CALCOCO1: variants seen among roughly 807,000 people sequenced by gnomAD.
CALCOCO1 encodes the protein calcium binding and coiled-coil domain 1, also known as calcium-binding and coiled-coil domain-containing protein 1.
CALCOCO1 carries 44 observed loss-of-function variants against 86.3 expected under a neutral mutation model. That is an observed-to-expected ratio of 0.51 (90% CI 0.40 to 0.66). CALCOCO1 has a LOEUF of 0.66. Among genes scored for constraint, CALCOCO1 ranks in the 30% least tolerant of loss-of-function variants. CALCOCO1 has a pLI of 0.00. For missense variants in CALCOCO1, 708 were observed against 851.1 expected, an observed-to-expected ratio of 0.83 and a Z score of 2.09; for synonymous variants, 297 against 327.6, an observed-to-expected ratio of 0.91 and a Z score of 1.01.
chr12:53,721,836 T>C lies in CALCOCO1; in HGVS notation c.609+189A>G, dbSNP rs1945877703. On this transcript the variant is annotated intron_variant, in intron 5 of 14. Transcript: ENST00000550804. Reference sequence around the variant, plus strand: ...CTATGTTCAAAGAACTGAGTCTCATTACACGTTTGGAACATGTCTCTTGTC... The same window carrying C: ...CTATGTTCAAAGAACTGAGTCTCATCACACGTTTGGAACATGTCTCTTGTC... The C allele has an allele frequency of 3.7e-6, 3 of 805,322 alleles. No homozygotes were observed. In the South Asian group the frequency reaches 5.0e-5, roughly 13 times the overall value. The allele number at this position is 805,322 out of a possible 1,614,324, so 49.9% of individuals were successfully genotyped here.
rs149932019 is a variant in CALCOCO1 at position 53,717,489 on chromosome 12, G to A, written c.850-1074C>T. Among the ~76,000 whole-genome samples the A allele has an allele frequency of 7.0e-4, 107 of 152,292 alleles. 3 individuals are homozygous for A. The highest frequency in any genetic ancestry group is 2.7e-3 in the Admixed American group (41 of 15,306). On this transcript the variant is annotated intron_variant, in intron 7 of 14. Coordinates refer to ENST00000550804, the MANE Select transcript of CALCOCO1 (RefSeq NM_020898.3). ...AGGCCTTATCTCAAACACTTCACCC[G>A]CACATTCAACTGCCCTGAGTGTTCT...
chr12:53,719,351 C>A (rs1945808488), intron 7 of CALCOCO1, among the ~76,000 whole-genome samples: 1 of 151,820 alleles, frequency 6.6e-6, no homozygotes, highest in Admixed American at 6.6e-5. Context: ...CATGGTGAAA[C>A]CCTGTCTCTA....
rs560882432 is a variant in CALCOCO1 at position 53,713,840 on chromosome 12, G to A, written c.1652C>T (p.Pro551Leu). 1.2e-5 allele frequency: 18 copies of A among 1,545,954 alleles called. No homozygotes were observed. The highest frequency in any genetic ancestry group is 1.5e-5 in the Non-Finnish European group (17 of 1,148,234). Residue 551 changes from proline (P) to leucine (L), a missense_variant, in exon 13 of 15, where the codon CCC becomes CTC. Pro to Leu is a moderately conservative substitution (Grantham distance 98). Transcript: ENST00000550804. ...DESPEDMRLP[P>L]YGLCERGDPG... ...GTCTCCACGCTCACAAAGGCCATAG[G>A]GTGGGAGCCTCATGTCTTCTGGGGA...
rs1945515897 is a variant in CALCOCO1, at chr12:53,709,802, C to T, written c.*2142G>A. 1 of 152,178 alleles carries T rather than the reference C, an allele frequency of 6.6e-6. No homozygotes were observed. Among genetic ancestry groups the T allele is most frequent in the Non-Finnish European group, 1.5e-5 (1 of 68,046 alleles). The allele number at this position is 152,178 out of a possible 1,614,324, so 9.4% of individuals were successfully genotyped here. ...AGGGGCCTGGGTTCCTGTTTGTCTA[C>T]TATTCTCCTTTTTTGCACAAGGCAG... On this transcript the variant is annotated 3_prime_UTR_variant, in exon 15 of 15. Transcript: ENST00000550804.
intron 4 of CALCOCO1, 45 bp from the exon 5 acceptor site, chr12:53,722,228 C>T (rs1383873592): frequency 6.2e-7 from 1 of 1,604,396 alleles, no homozygotes; most frequent in African/African-American, 1.3e-5. Flanking sequence ...GTGGAGTACC[C>T]CTTCTAAGGT....
chr12:53,724,604 C>T (rs765502408), intron 3 of CALCOCO1, 41 bp downstream of exon 3: 1 of 1,487,010 alleles, frequency 6.7e-7, no homozygotes, highest in Non-Finnish European at 9.4e-7. Context: ...AACCTCCACT[C>T]CCTTGGCTCC....
At chr12:53,715,625 T>TATCC (rs1945703981) in intron 9 of CALCOCO1, 168 bp downstream of exon 9, 3 of 898,770 alleles carry the variant, frequency 3.3e-6, no homozygotes, top group Non-Finnish European at 5.0e-6. Flanking sequence ...TAGGGATGGG[T>TATCC]CATGCCTAGA....
At position 53,716,386 on chromosome 12, in the gene CALCOCO1, G is replaced by T. The variant is rs756680745; in HGVS notation, c.879C>A (p.Asn293Lys). ...CCTTCAGGTCCAAATTTAAGTGATG[G>T]TTCTCCTGTTGTGCCACTTGGAGCT... ...EAELQVAQQE[N>K]HHLNLDLKEA... The change falls in exon 8 of 15, where the codon AAC becomes AAA. Residue 293 changes from asparagine to lysine, a missense_variant. Physicochemically the swap from Asn to Lys is moderately conservative, Grantham distance 94 (BLOSUM62 0). Transcript: ENST00000550804. The T allele has an allele frequency of 6.2e-7, 1 of 1,614,156 alleles. No homozygotes were observed. The highest frequency in any genetic ancestry group is 1.1e-5 in the South Asian group (1 of 91,074).
chr12:53,723,419 G>A, intron 4 of CALCOCO1, 174 bp downstream of exon 4: 1 of 651,022 alleles, frequency 1.5e-6, no homozygotes, highest in Non-Finnish European at 2.7e-6. Flanking sequence ...TGCCTTACAT[G>A]TTCGTGTATG....
At position 53,715,216 on chromosome 12, in the gene CALCOCO1, T is replaced by C. The variant is rs34311341; in HGVS notation, c.1370A>G (p.Glu457Gly). 667 of 1,614,142 alleles carry C rather than the reference T, an allele frequency of 4.1e-4. 4 individuals are homozygous for C. In the African/African-American group the frequency reaches 8.1e-3, roughly 20 times the overall value. ...ATGCCTCACCAGGCTAGAATCCTTC[T>C]CCCGGGCCAGCTCAGTCTTGAACAC... Reference protein sequence around the residue: ...NQVFKTELAREKDSSLVQLSE... With the variant: ...NQVFKTELARGKDSSLVQLSE... The change falls in exon 10 of 15, where the codon GAG (glutamate) becomes GGG (glycine). Residue 457 changes from glutamate to glycine, a missense_variant. Glu to Gly is a moderately conservative substitution (Grantham distance 98, BLOSUM62 -2). Transcript: ENST00000550804.
intron 1 of CALCOCO1, chr12:53,726,224 C>A (rs780051416): frequency 6.6e-6 from 1 of 152,352 alleles, no homozygotes; most frequent in African/African-American, 2.4e-5. Flanking sequence ...ACTGTGCCTG[C>A]AGCAGGACTA....
At position 53,709,434 on chromosome 12, in the gene CALCOCO1, A is replaced by G. The variant is rs1375735265; in HGVS notation, c.*2510T>C. The G allele has an allele frequency of 2.6e-5, 4 of 152,306 alleles. No individual in the cohort carries two copies. Among genetic ancestry groups the G allele is most frequent in the Non-Finnish European group, 4.4e-5 (3 of 68,140 alleles). The allele number at this position is 152,306 out of a possible 1,614,324, so 9.4% of individuals were successfully genotyped here. Reference sequence around the variant, plus strand: ...CACATTTTGTGGCACCCCCAGTCTGAAACTGCAAATTGCATGCCAGAAAGA... The same window carrying G: ...CACATTTTGTGGCACCCCCAGTCTGGAACTGCAAATTGCATGCCAGAAAGA... On this transcript the variant is annotated 3_prime_UTR_variant, in exon 15 of 15. Transcript: ENST00000550804.
At position 53,722,017 on chromosome 12, in the gene CALCOCO1, G is replaced by C; in HGVS notation, c.609+8C>G. The C allele has an allele frequency of 6.2e-7, 1 of 1,612,218 alleles. No homozygotes were observed. The highest frequency in any genetic ancestry group is 8.5e-7 in the Non-Finnish European group (1 of 1,179,998). On this transcript the variant is annotated splice_region_variant and intron_variant, in intron 5 of 14. Transcript: ENST00000550804. The stretch of plus-strand genomic sequence containing the variant: ...CAGGCCCTGTCCCCTACCTGGCCCA[G>C]CTCCCACCTTGTACTGTTCCATCAG...
In CALCOCO1 at chr12:53,725,265, T is replaced by C. The variant is rs757002331; in HGVS notation, c.-23A>G. ...CATCCTGGCCTTGAGATATCTGTCC[T>C]CCTATGAAAGAAAGGGTTGATAGCC... On this transcript the variant is annotated splice_region_variant and 5_prime_UTR_variant, in exon 2 of 15. Coordinates refer to ENST00000550804, the MANE Select transcript of CALCOCO1 (RefSeq NM_020898.3). The C allele has an allele frequency of 2.1e-4, 321 of 1,554,740 alleles. 1 individual carries two copies. The highest frequency in any genetic ancestry group is 2.7e-4 in the Non-Finnish European group (309 of 1,151,160).
chr12:53,712,173 T>C lies in CALCOCO1; in HGVS notation c.1899-52A>G, dbSNP rs1285602057. 3.3e-6 allele frequency: 5 copies of C among 1,500,034 alleles called. No homozygotes were observed. In the East Asian group the frequency reaches 1.2e-4, roughly 37 times the overall value. 92.9% of individuals were successfully genotyped at this position (1,500,034 alleles called of 1,614,324 possible). On this transcript the variant is annotated intron_variant, in intron 14 of 14. Transcript: ENST00000550804. ...AGGGTCGGCGTGCTCTGTTCCCTTC[T>C]TGACTTGCAGACTTCGGAGAGCAGG...
intron 3 of CALCOCO1, 74 bp from the exon 4 acceptor site, chr12:53,723,857 A>G (rs1182440292): frequency 2.3e-6 from 3 of 1,318,394 alleles, no homozygotes; most frequent in Non-Finnish European, 2.1e-6. Flanking sequence ...TCGGTGTTCC[A>G]TATACTGTTT....
intron 14 of CALCOCO1, 129 bp downstream of exon 14, chr12:53,712,971 G>T: frequency 1.6e-6 from 2 of 1,249,002 alleles, no homozygotes; most frequent in Non-Finnish European, 2.3e-6. Context: ...AACCATACCT[G>T]TATCTCCTTT....
In CALCOCO1 at chr12:53,711,595, A is replaced by AGT; in HGVS notation, c.*347_*348dup. The AGT allele has an allele frequency of 3.4e-6, 1 of 291,952 alleles. No individual in the cohort carries two copies. Among genetic ancestry groups the AGT allele is most frequent in the Non-Finnish European group, 6.3e-6 (1 of 158,610 alleles). The allele number at this position is 291,952 out of a possible 1,614,324, so 18.1% of individuals were successfully genotyped here. A position where few individuals can be genotyped will look rare whatever the true frequency, so the allele number is the denominator to read the frequency against. ...CATCAGACAAGGGAGTGTGAGTGTG[A>AGT]GTGTGTGTGTGCAGTGGCTGTGTAT... On this transcript the variant is annotated 3_prime_UTR_variant, in exon 15 of 15. Coordinates refer to ENST00000550804, the MANE Select transcript of CALCOCO1 (RefSeq NM_020898.3).
chr12:53,722,958 A>G (rs563281081), intron 4 of CALCOCO1: 84 of 383,966 alleles, frequency 2.2e-4, no homozygotes, highest in African/African-American at 1.7e-3. Context: ...AAAAAAAAAA[A>G]AAAGAAAAGA....
Sources: gnomAD v4.1 joint callset for allele counts (sites outside exome capture counted in the v4.1 genomes callset) on GRCh38, gnomAD v4.1.1 for gene constraint, MANE v1.5 for transcripts, NCBI Gene and HGNC (gene_info 2026-07-23, HGNC 2026-07-21) for gene names.